CPT1B: variants seen among roughly 807,000 people sequenced by gnomAD.
The protein encoded by CPT1B is carnitine O-palmitoyltransferase 1, muscle isoform.
CPT1B carries 57 observed loss-of-function variants against 92.7 expected under a neutral mutation model. That is an observed-to-expected ratio of 0.62 (90% CI 0.50 to 0.77). CPT1B has a LOEUF of 0.77. Ranked by LOEUF, CPT1B falls within the 30% of genes least tolerant of loss-of-function variation. The pLI is 0.00. For synonymous variants in CPT1B, 398 were observed against 383.5 expected, an observed-to-expected ratio of 1.04 and a Z score of -0.44; for missense variants, 983 against 1,017.4, an observed-to-expected ratio of 0.97 and a Z score of 0.46.
rs1434400627 is a variant in CPT1B at position 50,573,608 on chromosome 22, G to C, written c.1078C>G (p.Leu360Val). Residue 360 changes from leucine to valine, a missense_variant, in exon 10 of 20, where the codon CTG becomes GTG. Coordinates refer to ENST00000312108, the MANE Select transcript of CPT1B (RefSeq NM_152246.3). The surrounding 1 kb of genome is among the most constrained non-coding windows in gnomAD (Gnocchi z 5.0). ...EGARLLKPQD[L>V]EMQFQRILDD... is the part of the protein sequence containing the mutation. ...AGGATCCTCTGGAACTGCATCTCCA[G>C]ATCCTGAGGCTTGAGCAGACGGGCG... The C allele has an allele frequency of 6.2e-7, 1 of 1,613,576 alleles. No homozygotes were observed. Among genetic ancestry groups the C allele is most frequent in the Non-Finnish European group, 8.5e-7 (1 of 1,180,006 alleles).
chr22:50,575,421 G>A (rs75264621), intron 7 of CPT1B, among the ~76,000 whole-genome samples: 1 of 152,374 alleles, frequency 6.6e-6, no homozygotes, highest in Non-Finnish European at 1.5e-5. Flanking sequence ...GGCAAGTTGT[G>A]TGTAAGTTCC....
chr22:50,575,883 T>A (rs1489905735), intron 7 of CPT1B, 152 bp downstream of exon 7: 1 of 696,408 alleles, frequency 1.4e-6, no homozygotes, highest in East Asian at 2.7e-5. Flanking sequence ...TAGGATCTCC[T>A]CTCTCTCTTC....
chr22:50,572,892 A>G lies in CPT1B; in HGVS notation c.1335T>C (p.His445=), dbSNP rs1244070948. The G allele has an allele frequency of 8.7e-6, 14 of 1,606,596 alleles. No individual in the cohort carries two copies. Among genetic ancestry groups the G allele is most frequent in the Non-Finnish European group, 1.2e-5 (14 of 1,173,976 alleles). Residue 445 remains histidine, a synonymous_variant, in exon 11 of 20, where the codon CAT becomes CAC. Coordinates refer to ENST00000312108, the MANE Select transcript of CPT1B (RefSeq NM_152246.3). ...TGCCGTACCTGTTGTAGCAGTTGCC[A>G]TGTAGCAGGGCCTTGCCATAGAGGC... ...SLSLYGKALL[H]GNCYNRWFDK... is the part of the protein sequence containing the mutation.
chr22:50,574,633 C>T, intron 7 of CPT1B, 33 bp from the exon 8 acceptor site: 1 of 1,588,058 alleles, frequency 6.3e-7, no homozygotes, highest in Middle Eastern at 1.7e-4. Flanking sequence ...GGGTGGGGGC[C>T]TCTGTCTGGG....
At chr22:50,571,865 T>A in intron 13 of CPT1B, 141 bp downstream of exon 13, 3 of 827,858 alleles carry the variant, frequency 3.6e-6, no homozygotes, top group Non-Finnish European at 6.0e-6. Context: ...TCTACAGGTA[T>A]CCTGAGACGT....
chr22:50,576,499 T>A (rs1328588652), intron 5 of CPT1B, 37 bp downstream of exon 5: 1 of 1,591,728 alleles, frequency 6.3e-7, no homozygotes, highest in Admixed American at 1.8e-5. Context: ...GAATCCAACC[T>A]CCCCTGCCCA....
At position 50,573,028 on chromosome 22, in the gene CPT1B, A is replaced by G. The variant is rs770356762; in HGVS notation, c.1199T>C (p.Phe400Ser). ...GGCAGCCTTATTCTTTCCAGAGCTA[A>G]AGAAGGCCTGGCGTGCCTGCGCCCA... Reference protein sequence around the residue: ...VEWAQARQAFFSSGKNKAALE... With the variant: ...VEWAQARQAFSSSGKNKAALE... Residue 400 changes from phenylalanine (F) to serine (S), a missense_variant, in exon 11 of 20, where the codon TTT (phenylalanine) becomes TCT (serine). Phe to Ser is a radical substitution (Grantham distance 155, BLOSUM62 -2). Coordinates refer to ENST00000312108, the MANE Select transcript of CPT1B (RefSeq NM_152246.3). The surrounding 1 kb of genome is among the most constrained non-coding windows in gnomAD (Gnocchi z 5.0). 4 of 1,608,350 alleles carry G rather than the reference A, an allele frequency of 2.5e-6. No individual in the cohort carries two copies. In the Admixed American group the frequency reaches 6.7e-5, roughly 27 times the overall value.
At chr22:50,577,637 A>C (rs1603443574) in intron 2 of CPT1B, 138 bp downstream of exon 2, 1 of 1,420,714 alleles carries the variant, frequency 7.0e-7, no homozygotes, top group Non-Finnish European at 9.6e-7. Context: ...CATCCTGTGC[A>C]CCCCTCTGGT....
At chr22:50,572,713 G>A (rs1249079418) in intron 11 of CPT1B, among the ~76,000 whole-genome samples, 162 bp downstream of exon 11, 1 of 152,226 alleles carries the variant, frequency 6.6e-6, no homozygotes, top group African/African-American at 2.4e-5. Context: ...TTGAGCTCCT[G>A]CACTCAAGTG....
At chr22:50,572,423 T>A in intron 11 of CPT1B, 115 bp from the exon 12 acceptor site, 1 of 670,460 alleles carries the variant, frequency 1.5e-6, no homozygotes. Context: ...TCTTTTTCTC[T>A]CACTTTTTTT....
In CPT1B at chr22:50,573,151, G is replaced by T; in HGVS notation, c.1167-91C>A. 1 of 1,164,708 alleles carries T rather than the reference G, an allele frequency of 8.6e-7. No individual in the cohort carries two copies. The highest frequency in any genetic ancestry group is 1.2e-6 in the Non-Finnish European group (1 of 824,662). The allele number at this position is 1,164,708 out of a possible 1,614,324, so 72.1% of individuals were successfully genotyped here. A position where few individuals can be genotyped will look rare whatever the true frequency, so the allele number is the denominator to read the frequency against. On this transcript the variant is annotated intron_variant, in intron 10 of 19. Transcript: ENST00000312108. This position sits in a 1 kb window ranked among gnomAD's most constrained non-coding sequence, Gnocchi z 5.0. The stretch of plus-strand genomic sequence containing the variant: ...GGCTGGACCTGGAGATGGGGGTGGG[G>T]TGCCAGGCTGGACCTGGAGATGGGG...
chr22:50,577,481 C>T lies in CPT1B; in HGVS notation c.142-18G>A, dbSNP rs748668340. On this transcript the variant is annotated intron_variant, in intron 2 of 19. Transcript: ENST00000312108. ...ATGCCATTCTGTGGGCAGAAACAGG[C>T]GCCCTTATGGAGCCGGAAGGCGGGA... 115 of 1,612,724 alleles carry T rather than the reference C, an allele frequency of 7.1e-5. No homozygotes were observed. The highest frequency in any genetic ancestry group is 9.1e-5 in the Non-Finnish European group (107 of 1,179,666).
intron 17 of CPT1B, among the ~76,000 whole-genome samples, 183 bp from the exon 18 acceptor site, chr22:50,569,851 C>T (rs1406801170): frequency 5.3e-5 from 8 of 152,220 alleles, no homozygotes; most frequent in Admixed American, 3.9e-4. Flanking sequence ...GCCCAGACCC[C>T]GCCAAGGGAT....
chr22:50,577,551 G>A, intron 2 of CPT1B, 88 bp from the exon 3 acceptor site: 1 of 1,537,930 alleles, frequency 6.5e-7, no homozygotes, highest in Middle Eastern at 1.9e-4. Flanking sequence ...CCTGGTCTTG[G>A]CCTGGAAGGC....
intron 5 of CPT1B, 81 bp downstream of exon 5, chr22:50,576,455 T>A: frequency 6.2e-7 from 1 of 1,602,394 alleles, no homozygotes; most frequent in East Asian, 2.2e-5. Flanking sequence ...AAGGCCACTC[T>A]TTGCACAGAA....
chr22:50,571,176 C>T lies in CPT1B; in HGVS notation c.1857G>A (p.Met619Ile). The change falls in exon 15 of 20, where the codon ATG becomes ATA. Residue 619 changes from methionine to isoleucine, a missense_variant. By Grantham distance (10) the Met-to-Ile change is conservative. Coordinates refer to ENST00000312108, the MANE Select transcript of CPT1B (RefSeq NM_152246.3). ...TSESTAFVQA[M>I]MEGSHTKADL... ...CACTTACTGTGTGGGACCCCTCCAT[C>T]ATGGCCTGCACAAAGGCTGTGGACT... The T allele has an allele frequency of 6.2e-7, 1 of 1,614,152 alleles. No individual in the cohort carries two copies. Among genetic ancestry groups the T allele is most frequent in the Non-Finnish European group, 8.5e-7 (1 of 1,180,016 alleles).
In CPT1B at chr22:50,573,681, C is replaced by T. The variant is rs1340611874; in HGVS notation, c.1005G>A (p.Val335=). ...AGAAGCGTCCCTTGTGGTAGACAGCCACGTGCCGGCTGTCTGAGAGGTGCT... is the reference window on the plus strand; with the variant it reads ...AGAAGCGTCCCTTGTGGTAGACAGCTACGTGCCGGCTGTCTGAGAGGTGCT... ...VLQHLSDSRH[V]AVYHKGRFFK... Residue 335 remains valine (V), a synonymous_variant, in exon 10 of 20, where the codon GTG becomes GTA. Coordinates refer to ENST00000312108, the MANE Select transcript of CPT1B (RefSeq NM_152246.3). The surrounding 1 kb of genome is among the most constrained non-coding windows in gnomAD (Gnocchi z 5.0). The T allele has an allele frequency of 2.5e-6, 4 of 1,613,026 alleles. No individual in the cohort carries two copies. The highest frequency in any genetic ancestry group is 1.7e-5 in the Admixed American group (1 of 60,012).
At chr22:50,569,240 G>T in intron 19 of CPT1B, 96 bp downstream of exon 19, 1 of 1,211,638 alleles carries the variant, frequency 8.3e-7, no homozygotes, top group Non-Finnish European at 1.2e-6. Flanking sequence ...CTTGGAGCCT[G>T]GGCACCTGTG....
chr22:50,570,182 T>A, intron 17 of CPT1B, 111 bp downstream of exon 17: 5 of 767,710 alleles, frequency 6.5e-6, no homozygotes, highest in Non-Finnish European at 1.0e-5. Flanking sequence ...GGGGTTATGC[T>A]CTCCTCTAAG....
Sources: allele counts gnomAD v4.1 joint callset (sites outside exome capture counted in the v4.1 genomes callset), GRCh38; gene constraint gnomAD v4.1.1; non-coding constraint Gnocchi (gnomAD v3.1); transcripts MANE v1.5; gene names NCBI Gene and HGNC (gene_info 2026-07-23, HGNC 2026-07-21).